The following EYA3 variants were observed in gnomAD, a reference collection of about 807,000 sequenced individuals.
EYA3 encodes the protein EYA transcriptional coactivator and phosphatase 3, also known as protein phosphatase EYA3.
EYA3 carries 39 observed loss-of-function variants against 80.0 expected under a neutral mutation model. The ratio of observed to expected loss-of-function variants is 0.49; its 90% CI spans 0.38 to 0.64. The LOEUF is 0.64. EYA3 is among the 30% of genes least tolerant of loss of function. EYA3 has a pLI of 0.00. For synonymous variants in EYA3, 206 were observed against 232.8 expected (o/e 0.88, Z 1.05); for missense variants, 523 against 676.1 (o/e 0.77, Z 2.51).
chr1:28,046,844 C>CTTTT (rs35846889), intron 3 of EYA3, among the ~76,000 whole-genome samples: 1 of 144,968 alleles, frequency 6.9e-6, no homozygotes, highest in Non-Finnish European at 1.5e-5. Flanking sequence ...ATTTTTCTTT[C>CTTTT]TTTTTTTTTT....
chr1:28,000,785 G>T (rs964224606), intron 11 of EYA3, among the ~76,000 whole-genome samples: 2 of 152,150 alleles, frequency 1.3e-5, no homozygotes, highest in African/African-American at 4.8e-5. Flanking sequence ...AAATTTGGCC[G>T]GGTACAGTGG....
chr1:28,065,110 C>T (rs1180893354), intron 1 of EYA3, among the ~76,000 whole-genome samples: 2 of 152,202 alleles, frequency 1.3e-5, no homozygotes, highest in Non-Finnish European at 2.9e-5. Flanking sequence ...CCCATATAGA[C>T]TGTCTTTTTT....
chr1:28,079,827 G>C (rs368646743), intron 1 of EYA3, among the ~76,000 whole-genome samples: 1 of 149,380 alleles, frequency 6.7e-6, no homozygotes, highest in African/African-American at 2.5e-5. Flanking sequence ...ACAGGGTCTC[G>C]CTATGTTGCC....
At chr1:28,085,751 C>G (rs546075776) in intron 1 of EYA3, among the ~76,000 whole-genome samples, 79 of 150,482 alleles carry the variant, frequency 5.2e-4, no homozygotes, top group African/African-American at 1.9e-3. Context: ...ACACATTAAG[C>G]TGTCTCTGGG....
intron 1 of EYA3, among the ~76,000 whole-genome samples, chr1:28,058,315 T>A (rs368491239): frequency 1.3e-5 from 2 of 152,208 alleles, no homozygotes; most frequent in African/African-American, 4.8e-5. Flanking sequence ...AAAGCCAACA[T>A]GTGGAACCAC....
chr1:27,986,365 CAAAA>C (rs1180363081), intron 16 of EYA3, among the ~76,000 whole-genome samples: 3 of 148,192 alleles, frequency 2.0e-5, no homozygotes, highest in Non-Finnish European at 4.5e-5. Flanking sequence ...AACTCCAACT[CAAAA>C]AAAAGTAGCA....
chr1:28,066,686 C>T (rs550997339), intron 1 of EYA3, among the ~76,000 whole-genome samples: 1 of 151,698 alleles, frequency 6.6e-6, no homozygotes, highest in Admixed American at 6.6e-5. Flanking sequence ...TTTGACAAAT[C>T]CAATTATGTA....
In EYA3 at chr1:28,013,428, C is replaced by A. The variant is rs887459549; in HGVS notation, c.586-134G>T. ...TTAATTTGACTTCTCATTTACCTACCTAAAAGTCTCCAATCTAAATCAATG... is the reference window on the plus strand; with the variant it reads ...TTAATTTGACTTCTCATTTACCTACATAAAAGTCTCCAATCTAAATCAATG... On this transcript the variant is annotated intron_variant, in intron 8 of 17. Coordinates refer to ENST00000373871, the MANE Select transcript of EYA3 (RefSeq NM_001990.4). This position sits in a 1 kb window ranked among gnomAD's most constrained non-coding sequence, Gnocchi z 4.0. 1.3e-6 allele frequency: 1 copy of A among 766,700 alleles called. No individual in the cohort carries two copies. Among genetic ancestry groups the A allele is most frequent in the Non-Finnish European group, 2.0e-6 (1 of 506,700 alleles). The allele number at this position is 766,700 out of a possible 1,614,324, so 47.5% of individuals were successfully genotyped here.
intron 1 of EYA3, among the ~76,000 whole-genome samples, chr1:28,059,020 C>A (rs1449159021): frequency 2.0e-5 from 3 of 152,158 alleles, no homozygotes; most frequent in Non-Finnish European, 4.4e-5. Flanking sequence ...ACCACTGTAC[C>A]TAACTCACAT....
intron 1 of EYA3, among the ~76,000 whole-genome samples, chr1:28,064,224 T>C (rs1644745728): frequency 6.6e-6 from 1 of 152,170 alleles, no homozygotes. Context: ...ATTGAGACGT[T>C]GCTTTCAATT....
intron 1 of EYA3, among the ~76,000 whole-genome samples, chr1:28,070,771 T>C (rs1644993690): frequency 6.6e-6 from 1 of 152,152 alleles, no homozygotes; most frequent in African/African-American, 2.4e-5. Flanking sequence ...TTTAAATTTA[T>C]ATAGTGGAAG....
intron 1 of EYA3, among the ~76,000 whole-genome samples, chr1:28,084,845 G>A (rs1341013434): frequency 6.6e-6 from 1 of 151,072 alleles, no homozygotes; most frequent in Non-Finnish European, 1.5e-5. Context: ...CTGAACTCAG[G>A]CAATCTGCCT....
In EYA3 at chr1:28,011,928, G is replaced by C. The variant is rs571271092; in HGVS notation, c.770-842C>G. Among the ~76,000 whole-genome samples the C allele has an allele frequency of 2.6e-5, 4 of 152,152 alleles. No individual in the cohort carries two copies. In the East Asian group the frequency reaches 7.7e-4, roughly 29 times the overall value. ...TGAAATATGTATACACTGTGGAATG[G>C]GTTGGATCCTACTTTAAACAAAAGG... On this transcript the variant is annotated intron_variant, in intron 9 of 17. Coordinates refer to ENST00000373871, the MANE Select transcript of EYA3 (RefSeq NM_001990.4).
intron 2 of EYA3, among the ~76,000 whole-genome samples, chr1:28,052,501 T>C (rs1293205938): frequency 6.6e-6 from 1 of 152,164 alleles, no homozygotes. Flanking sequence ...GCCACGATGA[T>C]TCAACGAAGG....
intron 13 of EYA3, among the ~76,000 whole-genome samples, chr1:27,995,317 T>G (rs1571742841): frequency 7.1e-6 from 1 of 140,352 alleles, no homozygotes; most frequent in Non-Finnish European, 1.5e-5. Flanking sequence ...AAGGCTGGGG[T>G]GGGAGGATCA....
chr1:28,070,958 T>C (rs1379128578), intron 1 of EYA3, among the ~76,000 whole-genome samples: 1 of 152,194 alleles, frequency 6.6e-6, no homozygotes, highest in Non-Finnish European at 1.5e-5. Flanking sequence ...AGTCTCCCTC[T>C]ATCACCCAGG....
intron 7 of EYA3, among the ~76,000 whole-genome samples, chr1:28,025,424 C>T (rs893681436): frequency 8.5e-5 from 13 of 152,156 alleles, no homozygotes; most frequent in African/African-American, 3.1e-4. Flanking sequence ...TGTACTCATG[C>T]TCTGGAGTCA....
At chr1:27,994,663 C>T (rs887215471) in intron 13 of EYA3, among the ~76,000 whole-genome samples, 3 of 151,958 alleles carry the variant, frequency 2.0e-5, no homozygotes, top group Non-Finnish European at 2.9e-5. Context: ...CTTCAGCTTG[C>T]GGGGGGAAAA....
chr1:28,009,590 C>T lies in EYA3; in HGVS notation c.909+1357G>A, dbSNP rs115084907. On this transcript the variant is annotated intron_variant, in intron 10 of 17. Transcript: ENST00000373871. The surrounding 1 kb of genome is among the most constrained non-coding windows in gnomAD (Gnocchi z 4.8). ...ACTTGAACCCGGGAGGCAGAGGTCA[C>T]GGTAAGCCGAGATCGTGCCACTGCA... is the stretch of plus-strand genomic sequence containing the variant. Among the ~76,000 whole-genome samples the T allele has an allele frequency of 8.3e-3, 1,267 of 152,158 alleles. 20 individuals carry two copies. Among genetic ancestry groups the T allele is most frequent in the African/African-American group, 0.029 (1,212 of 41,510 alleles).
Sources: gnomAD v4.1 joint callset for allele counts (sites outside exome capture counted in the v4.1 genomes callset) on GRCh38, gnomAD v4.1.1 for gene constraint, Gnocchi (gnomAD v3.1) non-coding constraint, MANE v1.5 for transcripts, NCBI Gene and HGNC (gene_info 2026-07-23, HGNC 2026-07-21) for gene names.